Variants in BAZ1B observed in about 807,000 individuals in gnomAD.
BAZ1B encodes tyrosine-protein kinase BAZ1B.
A neutral mutation model predicts 153.8 loss-of-function variants in BAZ1B; 22 were observed. That is an observed-to-expected ratio of 0.14 (90% CI 0.10 to 0.20). The LOEUF (loss-of-function observed/expected upper bound fraction) is 0.20, where lower values mean the gene tolerates loss of function less well. Ranked by LOEUF, BAZ1B falls within the 10% of genes least tolerant of loss-of-function variation. The pLI, the probability that BAZ1B is intolerant of heterozygous loss-of-function variation, is 1.00. For missense variants in BAZ1B, 1,325 were observed against 1,799.3 expected (o/e 0.74, Z 4.77); for synonymous variants, 676 against 633.4 (o/e 1.07, Z -1.01).
At chr7:73,447,214 C>T in intron 16 of BAZ1B, 50 bp downstream of exon 16, 1 of 1,612,238 alleles carries the variant, frequency 6.2e-7, no homozygotes, top group Non-Finnish European at 8.5e-7. Flanking sequence ...CCAAGCGTTC[C>T]AAGCTTAGAA....
chr7:73,477,055 T>C lies in BAZ1B; in HGVS notation c.2406A>G (p.Glu802=), dbSNP rs1417044695. 6.2e-7 allele frequency: 1 copy of C among 1,614,076 alleles called. No homozygotes were observed. Among genetic ancestry groups the C allele is most frequent in the South Asian group, 1.1e-5 (1 of 91,088 alleles). Residue 802 remains glutamate (E), a synonymous_variant, in exon 7 of 20, where the codon GAA becomes GAG. Transcript: ENST00000339594. This position sits in a 1 kb window ranked among gnomAD's most constrained non-coding sequence, Gnocchi z 5.6. ...CTTTTCCATTTTCTTTATTTTTGGC[T>C]TCCATTTCTTTCCGTTTCTGTTTCT... ...RAEKQKRKEM[E]AKNKENGKVE...
At position 73,477,086 on chromosome 7, in the gene BAZ1B, C is replaced by T; in HGVS notation, c.2375G>A (p.Arg792Lys). ...TTCTTTCCGTTTCTGTTTCTCTGCT[C>T]TCTTCTTATCATTTTCTTCCTTCAA... ...AVLKEENDKK[R>K]AEKQKRKEME... is the part of the protein sequence containing the mutation. Residue 792 changes from arginine (R) to lysine (K), a missense_variant, in exon 7 of 20, where the codon AGA becomes AAA. By Grantham distance (26) the Arg-to-Lys change is conservative. Transcript: ENST00000339594. The surrounding 1 kb of genome is among the most constrained non-coding windows in gnomAD (Gnocchi z 5.6). 1 of 1,614,060 alleles carries T rather than the reference C, an allele frequency of 6.2e-7. No individual in the cohort carries two copies. Among genetic ancestry groups the T allele is most frequent in the Non-Finnish European group, 8.5e-7 (1 of 1,180,006 alleles).
chr7:73,453,995 CAAATA>C (rs1271313176), intron 13 of BAZ1B, among the ~76,000 whole-genome samples: 4 of 151,866 alleles, frequency 2.6e-5, no homozygotes, highest in African/African-American at 4.8e-5. Flanking sequence ...CATTCATTCA[CAAATA>C]AAATAAAATA....
At chr7:73,504,665 A>C (rs1790264161) in intron 3 of BAZ1B, among the ~76,000 whole-genome samples, 2 of 151,968 alleles carry the variant, frequency 1.3e-5, no homozygotes, top group Non-Finnish European at 2.9e-5. Flanking sequence ...CTCTGTCTCA[A>C]AAGAAAAAAA....
At position 73,470,890 on chromosome 7, in the gene BAZ1B, G is replaced by A. The variant is rs530038958; in HGVS notation, c.2594-407C>T. ...CGCTGGACTACAGGCACACACCACC[G>A]TGTCCAGCTAATTTTTACATTTTTA... On this transcript the variant is annotated intron_variant, in intron 7 of 19. Coordinates refer to ENST00000339594, the MANE Select transcript of BAZ1B (RefSeq NM_032408.4). Among the ~76,000 whole-genome samples, 12 of 152,080 alleles carry A rather than the reference G, an allele frequency of 7.9e-5. No homozygotes were observed. The South Asian group carries it at 1.5e-3, about 18-fold the overall frequency.
chr7:73,469,259 T>C (rs1788708811), intron 9 of BAZ1B, among the ~76,000 whole-genome samples: 2 of 152,156 alleles, frequency 1.3e-5, no homozygotes, highest in African/African-American at 2.4e-5. Flanking sequence ...AAACTGCTCC[T>C]ATAAAAGCTA....
intron 13 of BAZ1B, among the ~76,000 whole-genome samples, chr7:73,457,134 A>C (rs898415925): frequency 2.0e-5 from 3 of 151,574 alleles, no homozygotes; most frequent in Non-Finnish European, 4.4e-5. Flanking sequence ...GTATACACTG[A>C]AAAAAAATTA....
chr7:73,463,239 C>G, intron 11 of BAZ1B, 140 bp from the exon 12 acceptor site: 1 of 466,248 alleles, frequency 2.1e-6, no homozygotes, highest in Non-Finnish European at 3.6e-6. Flanking sequence ...TTTCTTTTTT[C>G]TTTTTTTTTT....
intron 4 of BAZ1B, among the ~76,000 whole-genome samples, chr7:73,494,652 G>C (rs1304296623): frequency 1.3e-5 from 2 of 152,066 alleles, no homozygotes; most frequent in African/African-American, 4.8e-5. Flanking sequence ...AGGAGGCTGA[G>C]GCAGGAGGAT....
chr7:73,505,102 C>G (rs1442231099), intron 3 of BAZ1B, among the ~76,000 whole-genome samples: 1 of 152,156 alleles, frequency 6.6e-6, no homozygotes, highest in Non-Finnish European at 1.5e-5. Context: ...AAGGAAGATA[C>G]TCTCTTTCTC....
intron 5 of BAZ1B, among the ~76,000 whole-genome samples, chr7:73,491,408 T>G (rs1789638785): frequency 6.6e-6 from 1 of 152,130 alleles, no homozygotes; most frequent in African/African-American, 2.4e-5. Flanking sequence ...GAGATCAGCC[T>G]GACCAACGTG....
At chr7:73,472,574 T>C (rs997052267) in intron 7 of BAZ1B, among the ~76,000 whole-genome samples, 4 of 152,136 alleles carry the variant, frequency 2.6e-5, no homozygotes, top group African/African-American at 4.8e-5. Context: ...TATACTTTCT[T>C]GATAGGTATT....
At chr7:73,509,405 C>T (rs1252043744) in intron 2 of BAZ1B, among the ~76,000 whole-genome samples, 3 of 151,988 alleles carry the variant, frequency 2.0e-5, no homozygotes, top group Non-Finnish European at 4.4e-5. Context: ...AGCAAATATA[C>T]GTAAAGCACT....
At chr7:73,461,809 G>C (rs1788405483) in intron 12 of BAZ1B, among the ~76,000 whole-genome samples, 1 of 152,172 alleles carries the variant, frequency 6.6e-6, no homozygotes, top group Non-Finnish European at 1.5e-5. Flanking sequence ...ACATATGTTG[G>C]CTGGGTGAGG....
intron 2 of BAZ1B, 53 bp from the exon 3 acceptor site, chr7:73,508,524 T>C (rs773879951): frequency 1.3e-6 from 2 of 1,525,626 alleles, no homozygotes; most frequent in Non-Finnish European, 8.9e-7. Flanking sequence ...TACCCAGAGA[T>C]TTAATTCAAG....
chr7:73,517,342 A>G (rs557878718), intron 1 of BAZ1B, among the ~76,000 whole-genome samples: 2 of 152,100 alleles, frequency 1.3e-5, no homozygotes, highest in South Asian at 4.2e-4. Context: ...TACAAAACAT[A>G]CAAAAATTAG....
chr7:73,474,195 A>G (rs933362345), intron 7 of BAZ1B, among the ~76,000 whole-genome samples: 5 of 152,156 alleles, frequency 3.3e-5, no homozygotes, highest in Non-Finnish European at 5.9e-5. Flanking sequence ...AAGGTTTGTC[A>G]TTTCAAAAAA....
intron 16 of BAZ1B, 126 bp downstream of exon 16, chr7:73,447,137 CA>C (rs1787867012): frequency 6.5e-7 from 1 of 1,540,404 alleles, no homozygotes; most frequent in African/African-American, 1.4e-5. Flanking sequence ...AGTTACGCCA[CA>C]GTCACAACAC....
At position 73,459,706 on chromosome 7, in the gene BAZ1B, C is replaced by G; in HGVS notation, c.3262G>C (p.Glu1088Gln). 1 of 1,605,152 alleles carries G rather than the reference C, an allele frequency of 6.2e-7. No homozygotes were observed. Among genetic ancestry groups the G allele is most frequent in the Non-Finnish European group, 8.5e-7 (1 of 1,177,250 alleles). ...SEFEARVISLEKLKDFGECVI... is the reference protein window; with the variant it reads ...SEFEARVISLQKLKDFGECVI... ...CACTCACCAAAATCCTTCAATTTCT[C>G]TAATGAAATGACCTATAGGAAAGGA... The change falls in exon 13 of 20, where the codon GAG becomes CAG. Residue 1088 changes from glutamate (E) to glutamine (Q), a missense_variant. By Grantham distance (29) the Glu-to-Gln change is conservative. Around this residue, in one of 9 missense-constraint regions of BAZ1B, gnomAD observed 431 missense variants for 563.5 expected, o/e 0.76. Transcript: ENST00000339594.
Sources: allele counts gnomAD v4.1 joint callset (sites outside exome capture counted in the v4.1 genomes callset), GRCh38; gene constraint gnomAD v4.1.1; regional missense constraint gnomAD v4.1.1; non-coding constraint Gnocchi (gnomAD v3.1); transcripts MANE v1.5; gene names NCBI Gene and HGNC (gene_info 2026-07-23, HGNC 2026-07-21).